Variants in ABCA12 observed in about 807,000 individuals in gnomAD.
The protein encoded by ABCA12 is ATP binding cassette subfamily A member 12, also known as glucosylceramide transporter ABCA12.
In ABCA12, 156 loss-of-function variants were observed where a neutral mutation model predicts 293.5. The ratio of observed to expected loss-of-function variants is 0.53; its 90% CI spans 0.47 to 0.61. The LOEUF (loss-of-function observed/expected upper bound fraction) is 0.61. Ranked by LOEUF, ABCA12 falls within the 20% of genes least tolerant of loss-of-function variation. ABCA12 has a pLI of 0.00. For synonymous variants in ABCA12, 1,063 were observed against 1,108.0 expected (o/e 0.96, Z 0.81); for missense variants, 2,797 against 3,090.2 (o/e 0.91, Z 2.25).
intron 23 of ABCA12, among the ~76,000 whole-genome samples, chr2:214,994,581 A>G (rs1299686235): frequency 2.0e-5 from 3 of 152,264 alleles, no homozygotes; most frequent in Non-Finnish European, 2.9e-5. Context: ...AATGTCAAGT[A>G]CTAACTCATA....
intron 1 of ABCA12, among the ~76,000 whole-genome samples, chr2:215,121,531 C>G (rs943624130): frequency 6.6e-6 from 1 of 152,098 alleles, no homozygotes; most frequent in African/African-American, 2.4e-5. Context: ...GAGCTTGGTA[C>G]CTAAGACCCA....
chr2:215,129,159 C>T (rs1282855275), intron 1 of ABCA12, among the ~76,000 whole-genome samples: 2 of 152,184 alleles, frequency 1.3e-5, no homozygotes, highest in Non-Finnish European at 2.9e-5. Context: ...TGTCTATGGT[C>T]TCTCAGCCAT....
At chr2:215,003,542 C>A (rs113476037) in intron 20 of ABCA12, among the ~76,000 whole-genome samples, 1 of 152,034 alleles carries the variant, frequency 6.6e-6, no homozygotes, top group Admixed American at 6.6e-5. Context: ...TAAATAATTT[C>A]ATTTTCCCTT....
chr2:215,075,389 A>G (rs906928514), intron 2 of ABCA12: 10 of 545,620 alleles, frequency 1.8e-5, no homozygotes, highest in African/African-American at 1.4e-4. Context: ...GAGCTAACTT[A>G]TGAGTTATTG....
chr2:215,096,997 G>C (rs911433177), intron 2 of ABCA12, among the ~76,000 whole-genome samples: 1 of 152,046 alleles, frequency 6.6e-6, no homozygotes, highest in African/African-American at 2.4e-5. Flanking sequence ...GTATTTGTGG[G>C]AAAAACAGAC....
chr2:215,107,377 C>A (rs768223208), intron 2 of ABCA12, among the ~76,000 whole-genome samples: 1 of 152,210 alleles, frequency 6.6e-6, no homozygotes, highest in Non-Finnish European at 1.5e-5. Context: ...CAAGCTGCTG[C>A]ATGTGGAGAT....
At chr2:215,026,701 A>G (rs1700752315) in intron 10 of ABCA12, 119 bp downstream of exon 10, 5 of 836,570 alleles carry the variant, frequency 6.0e-6, no homozygotes, top group Non-Finnish European at 1.1e-5. Flanking sequence ...ACTGATGCAT[A>G]TGGAAACTAA....
At chr2:215,095,411 C>T (rs184792074) in intron 2 of ABCA12, among the ~76,000 whole-genome samples, 9 of 152,048 alleles carry the variant, frequency 5.9e-5, no homozygotes, top group African/African-American at 1.4e-4. Flanking sequence ...CATACAGAAC[C>T]GCATCCAGGC....
chr2:214,973,039 G>A (rs986995025), intron 36 of ABCA12, among the ~76,000 whole-genome samples: 21 of 151,896 alleles, frequency 1.4e-4, no homozygotes, highest in African/African-American at 5.1e-4. Flanking sequence ...TGCCAAGGCT[G>A]GTCTTGAACT....
chr2:214,983,672 T>G lies in ABCA12; in HGVS notation c.4357A>C (p.Lys1453Gln). The change falls in exon 29 of 53, where the codon AAG becomes CAG. Residue 1453 changes from lysine (K) to glutamine (Q), a missense_variant. Lys to Gln is a moderately conservative substitution (Grantham distance 53). Transcript: ENST00000272895. ...CTTTTTACTTCCTCGTGGAGCTGCT[T>G]TTTAGTCCAGTGAGGAACTTTGATG... ...GSIKVPHWTK[K>Q]QLHEEVKRTL... 1 of 1,614,118 alleles carries G rather than the reference T, an allele frequency of 6.2e-7. No individual in the cohort carries two copies. Among genetic ancestry groups the G allele is most frequent in the Non-Finnish European group, 8.5e-7 (1 of 1,180,008 alleles).
intron 42 of ABCA12, 149 bp from the exon 43 acceptor site, chr2:214,955,510 T>C: frequency 1.4e-6 from 1 of 710,384 alleles, no homozygotes; most frequent in Non-Finnish European, 2.4e-6. Context: ...GGCAAAACCC[T>C]GTCTCTACAG....
At chr2:215,082,108 G>A (rs1235445681) in intron 2 of ABCA12, among the ~76,000 whole-genome samples, 5 of 131,734 alleles carry the variant, frequency 3.8e-5, no homozygotes, top group East Asian at 4.5e-4. Context: ...GCAGTGGCAC[G>A]ATCTCGGCTC....
chr2:215,052,584 G>A lies in ABCA12; in HGVS notation c.410C>T (p.Ala137Val). The A allele has an allele frequency of 6.2e-7, 1 of 1,610,744 alleles. No individual in the cohort carries two copies. Among genetic ancestry groups the A allele is most frequent in the Non-Finnish European group, 8.5e-7 (1 of 1,177,442 alleles). The part of the protein sequence containing the change: ...QVPERRHASL[A>V]TVFPSPSSDL... ...AGAACTTGGACTGGGAAATACTGTG[G>A]CTGTAATCAAAGAAGGAACAGATTA... is the stretch of plus-strand genomic sequence containing the variant. Residue 137 changes from alanine (A) to valine (V), a missense_variant and splice_region_variant, in exon 5 of 53, where the codon GCC becomes GTC. Ala to Val is a moderately conservative substitution (Grantham distance 64). Coordinates refer to ENST00000272895, the MANE Select transcript of ABCA12 (RefSeq NM_173076.3).
intron 52 of ABCA12, 78 bp downstream of exon 52, chr2:214,934,000 A>C (rs943295): frequency 0.4 from 579,701 of 1,444,410 alleles, 118,026 homozygotes; most frequent in South Asian, 0.47. Flanking sequence ...AATTGAATGT[A>C]ATTAAAAAGA....
chr2:215,054,470 A>T, intron 4 of ABCA12, 103 bp downstream of exon 4: 3 of 1,018,350 alleles, frequency 2.9e-6, no homozygotes. Flanking sequence ...TATTCTAAGC[A>T]TTCCTTCTTT....
intron 2 of ABCA12, among the ~76,000 whole-genome samples, chr2:215,087,428 C>G (rs1179806714): frequency 6.6e-6 from 1 of 151,628 alleles, no homozygotes; most frequent in Non-Finnish European, 1.5e-5. Context: ...CGGACTGAGT[C>G]TTAAGAGCAA....
At chr2:215,023,016 T>G (rs1700663131) in intron 11 of ABCA12, 1 of 152,192 alleles carries the variant, frequency 6.6e-6, no homozygotes, top group Non-Finnish European at 1.5e-5. Flanking sequence ...GAGCAGAATG[T>G]TCCGGCAAGG....
At chr2:215,046,101 T>C (rs1701197066) in intron 6 of ABCA12, 86 bp from the exon 7 acceptor site, 3 of 1,404,824 alleles carry the variant, frequency 2.1e-6, no homozygotes, top group Non-Finnish European at 2.9e-6. Context: ...GCATCAAAAA[T>C]CTAGATTTTC....
At chr2:215,097,651 C>T (rs1702273972) in intron 2 of ABCA12, among the ~76,000 whole-genome samples, 1 of 152,144 alleles carries the variant, frequency 6.6e-6, no homozygotes, top group African/African-American at 2.4e-5. Flanking sequence ...TGTTCATTTG[C>T]TTTCAGTTGT....
Sources: allele counts gnomAD v4.1 joint callset (sites outside exome capture counted in the v4.1 genomes callset), GRCh38; gene constraint gnomAD v4.1.1; transcripts MANE v1.5; gene names NCBI Gene and HGNC (gene_info 2026-07-23, HGNC 2026-07-21).